The following LIMCH1 variants were observed in gnomAD, a reference collection of about 807,000 sequenced individuals.
The protein encoded by LIMCH1 is LIM and calponin homology domains 1.
LIMCH1 carries 113 observed loss-of-function variants against 176.5 expected under a neutral mutation model. The ratio of observed to expected loss-of-function variants is 0.64; its 90% CI spans 0.55 to 0.75. The LOEUF is 0.75. Ranked by LOEUF, LIMCH1 falls within the 30% of genes least tolerant of loss-of-function variation. The pLI, the probability that LIMCH1 is intolerant of heterozygous loss-of-function variation, is 0.00. For synonymous variants in LIMCH1, 619 were observed against 645.9 expected (o/e 0.96, Z 0.63); for missense variants, 1,674 against 1,814.9 (o/e 0.92, Z 1.41).
intron 1 of LIMCH1, among the ~76,000 whole-genome samples, chr4:41,591,328 A>G (rs950570951): frequency 1.3e-5 from 2 of 151,804 alleles, no homozygotes; most frequent in African/African-American, 4.8e-5. Context: ...TGCAGCCTCT[A>G]CCTCCTGGGC....
chr4:41,590,166 C>A (rs1284212166), intron 1 of LIMCH1, among the ~76,000 whole-genome samples: 11 of 152,076 alleles, frequency 7.2e-5, no homozygotes, highest in Non-Finnish European at 1.0e-4. Flanking sequence ...AATCACGGCT[C>A]ACTTCAATTT....
intron 18 of LIMCH1, among the ~76,000 whole-genome samples, chr4:41,659,619 G>C (rs2094554697): frequency 2.0e-5 from 3 of 151,958 alleles, no homozygotes; most frequent in African/African-American, 7.2e-5. Context: ...AGAACCCATG[G>C]GGATATTTTA....
chr4:41,376,037 C>T (rs1453042), intron 1 of LIMCH1, among the ~76,000 whole-genome samples: 56,912 of 152,018 alleles, frequency 0.37, 11,571 homozygotes, highest in African/African-American at 0.54. Flanking sequence ...AGAACATTTG[C>T]CCTTGACATG....
chr4:41,586,117 T>G (rs1457555599), intron 1 of LIMCH1, among the ~76,000 whole-genome samples: 4 of 84,136 alleles, frequency 4.8e-5, no homozygotes, highest in African/African-American at 1.8e-4. Context: ...TCCTCTCCCC[T>G]TCCCTTTTTG....
At chr4:41,656,497 A>G (rs558604075) in intron 18 of LIMCH1, among the ~76,000 whole-genome samples, 1 of 152,204 alleles carries the variant, frequency 6.6e-6, no homozygotes, top group Non-Finnish European at 1.5e-5. Flanking sequence ...TGGCCTATCT[A>G]TCCAGTTACC....
In LIMCH1 at chr4:41,646,187, A is replaced by G; in HGVS notation, c.2318A>G (p.Glu773Gly). 2 of 1,614,172 alleles carry G rather than the reference A, an allele frequency of 1.2e-6. No homozygotes were observed. Among genetic ancestry groups the G allele is most frequent in the Non-Finnish European group, 1.7e-6 (2 of 1,180,016 alleles). The change falls in exon 16 of 32, where the codon GAA (glutamate) becomes GGA (glycine). Residue 773 changes from glutamate (E) to glycine (G), a missense_variant. Physicochemically the swap from Glu to Gly is moderately conservative, Grantham distance 98 (BLOSUM62 -2). Around this residue, in one of 3 missense-constraint regions of LIMCH1, gnomAD observed 1,015 missense variants for 1,102.5 expected, o/e 0.92. Coordinates refer to ENST00000503057, the MANE Select transcript of LIMCH1 (RefSeq NM_001330672.2). ...VSQDLIKKEE[E>G]RKKMEKLLAG... Reference sequence around the variant, plus strand: ...CAGGACTTAATCAAGAAAGAGGAAGAAAGGAAAAAAATGGAGAAGTTACTG... The same window carrying G: ...CAGGACTTAATCAAGAAAGAGGAAGGAAGGAAAAAAATGGAGAAGTTACTG...
At chr4:41,464,976 C>T (rs2065912228) in intron 1 of LIMCH1, among the ~76,000 whole-genome samples, 1 of 151,920 alleles carries the variant, frequency 6.6e-6, no homozygotes, top group African/African-American at 2.4e-5. Context: ...AATTTAGAAA[C>T]TTGCAATGGT....
intron 1 of LIMCH1, among the ~76,000 whole-genome samples, chr4:41,457,236 A>G (rs1047092451): frequency 6.6e-6 from 1 of 152,114 alleles, no homozygotes; most frequent in African/African-American, 2.4e-5. Context: ...TTGCTTTCAC[A>G]GTCTTACTGA....
At chr4:41,425,213 A>G (rs922547329) in intron 1 of LIMCH1, among the ~76,000 whole-genome samples, 3 of 152,242 alleles carry the variant, frequency 2.0e-5, no homozygotes, top group Non-Finnish European at 4.4e-5. Context: ...GTTTTAATAC[A>G]GAGAGAGAAT....
At chr4:41,488,344 C>G (rs1203864777) in intron 1 of LIMCH1, among the ~76,000 whole-genome samples, 1 of 152,068 alleles carries the variant, frequency 6.6e-6, no homozygotes, top group South Asian at 2.1e-4. Context: ...TGGACAGATT[C>G]TGGGAAAAAA....
chr4:41,543,245 A>G (rs1318795422), intron 1 of LIMCH1, among the ~76,000 whole-genome samples: 4 of 152,120 alleles, frequency 2.6e-5, no homozygotes, highest in Non-Finnish European at 5.9e-5. Context: ...TATTTAATTT[A>G]TATTATAAAT....
chr4:41,567,649 T>C (rs2082950238), intron 1 of LIMCH1, among the ~76,000 whole-genome samples: 2 of 152,224 alleles, frequency 1.3e-5, no homozygotes, highest in South Asian at 4.1e-4. Context: ...ATGAGGAACC[T>C]GGGGCTTAGA....
At position 41,619,366 on chromosome 4, in the gene LIMCH1, G is replaced by A. The variant is rs1240218125; in HGVS notation, c.384G>A (p.Lys128=). 2.5e-6 allele frequency: 4 copies of A among 1,614,110 alleles called. No homozygotes were observed. The highest frequency in any genetic ancestry group is 3.4e-6 in the Non-Finnish European group (4 of 1,180,032). ...ACGTCCCCGCGCCTCTGAGAAAGAAGAAAGCAGAGAGAGAGGAATACCGCA... is the reference window on the plus strand; with the variant it reads ...ACGTCCCCGCGCCTCTGAGAAAGAAAAAAGCAGAGAGAGAGGAATACCGCA... ...TAYVPAPLRK[K]KAEREEYRKS... Residue 128 remains lysine (K), a synonymous_variant, in exon 6 of 32, where the codon AAG becomes AAA. Transcript: ENST00000503057.
In LIMCH1 at chr4:41,395,293, C is replaced by T. The variant is rs934929765; in HGVS notation, c.96+34357C>T. Among the ~76,000 whole-genome samples the T allele has an allele frequency of 1.2e-3, 173 of 140,330 alleles. 1 individual carries two copies. The highest frequency in any genetic ancestry group is 4.3e-3 in the Middle Eastern group (1 of 230). 92.1% of individuals were successfully genotyped at this position (140,330 alleles called of 152,430 possible). ...TGTCACCCAGTCTGGAGGGCAGTGG[C>T]GCAATCTCGGCTCACTGCAACCTCC... On this transcript the variant is annotated intron_variant, in intron 1 of 26. Transcript: ENST00000313860.
rs576399229 is a variant in LIMCH1, at chr4:41,485,934, T to C, written c.97-8602T>C. On this transcript the variant is annotated intron_variant, in intron 1 of 26. Transcript: ENST00000313860. ...ATAGAATGCAGGCAGTGAGAAGCAA[T>C]GATTCTGGCTAAGTTCTGAAGGGAG... is the stretch of plus-strand genomic sequence containing the variant. Among the ~76,000 whole-genome samples, 6 of 152,256 alleles carry C rather than the reference T, an allele frequency of 3.9e-5. No individual in the cohort carries two copies. The South Asian group carries it at 1.2e-3, about 32-fold the overall frequency.
intron 2 of LIMCH1, among the ~76,000 whole-genome samples, chr4:41,603,050 T>A (rs889863957): frequency 2.0e-5 from 3 of 152,206 alleles, no homozygotes; most frequent in Non-Finnish European, 2.9e-5. Context: ...GTACTTTAGG[T>A]CAGTGTATGC....
At chr4:41,475,506 G>A (rs991769493) in intron 1 of LIMCH1, among the ~76,000 whole-genome samples, 1 of 152,172 alleles carries the variant, frequency 6.6e-6, no homozygotes, top group Non-Finnish European at 1.5e-5. Context: ...TTCAGCTAAG[G>A]TGGGAATGTT....
intron 8 of LIMCH1, among the ~76,000 whole-genome samples, chr4:41,628,724 G>A (rs377587829): frequency 4.6e-5 from 7 of 152,196 alleles, no homozygotes; most frequent in South Asian, 2.1e-4. Context: ...GGTTTAAATC[G>A]CAGTTTTGTC....
At chr4:41,614,499 T>A (rs1013957361) in intron 5 of LIMCH1, among the ~76,000 whole-genome samples, 4 of 152,218 alleles carry the variant, frequency 2.6e-5, no homozygotes, top group Non-Finnish European at 5.9e-5. Context: ...TTTTTCAATG[T>A]ATTGCTTGGT....
Sources: gnomAD v4.1 joint callset for allele counts (sites outside exome capture counted in the v4.1 genomes callset) on GRCh38, gnomAD v4.1.1 for gene constraint, gnomAD v4.1.1 regional missense constraint, MANE v1.5 for transcripts, NCBI Gene and HGNC (gene_info 2026-07-23, HGNC 2026-07-21) for gene names.